SGCZ: variants seen among roughly 807,000 people sequenced by gnomAD.
SGCZ encodes sarcoglycan zeta.
A neutral mutation model predicts 41.3 loss-of-function variants in SGCZ; 40 were observed. The observed-to-expected ratio is 0.97, with a 90% confidence interval of 0.75 to 1.26. SGCZ has a LOEUF of 1.26. SGCZ is among the 50% of genes most tolerant of loss of function. The pLI is 0.00. For missense variants in SGCZ, 552 were observed against 369.8 expected (o/e 1.49, Z -4.04); for synonymous variants, 206 against 137.5 (o/e 1.50, Z -3.49).
At chr8:14,494,140 A>G (rs1390402737) in intron 2 of SGCZ, among the ~76,000 whole-genome samples, 1 of 151,964 alleles carries the variant, frequency 6.6e-6, no homozygotes, top group Non-Finnish European at 1.5e-5. Context: ...CACTGTTTCT[A>G]TGAAAAAAGT....
At chr8:15,125,649 T>A (rs1193438862) in intron 1 of SGCZ, among the ~76,000 whole-genome samples, 1 of 152,182 alleles carries the variant, frequency 6.6e-6, no homozygotes, top group Non-Finnish European at 1.5e-5. Context: ...AATGATTAGA[T>A]AGAATAGTTA....
intron 5 of SGCZ, among the ~76,000 whole-genome samples, chr8:14,161,987 A>T (rs1456262764): frequency 6.6e-6 from 1 of 152,158 alleles, no homozygotes; most frequent in African/African-American, 2.4e-5. Context: ...GAGAGAATAG[A>T]TAACTGCCTT....
In SGCZ at chr8:14,661,051, C is replaced by A. The variant is rs551039314; in HGVS notation, c.40-106125G>T. Among the ~76,000 whole-genome samples, 160 of 152,178 alleles carry A rather than the reference C, an allele frequency of 1.1e-3. 1 individual carries two copies. The highest frequency in any genetic ancestry group is 3.8e-3 in the African/African-American group (156 of 41,518). ...GAGGGTTCTTCCCAGAATCCCTCTG[C>A]CCAAAATTATTTTTTGCTAGATTGC... On this transcript the variant is annotated intron_variant, in intron 1 of 7. Coordinates refer to ENST00000382080, the MANE Select transcript of SGCZ (RefSeq NM_139167.4).
intron 1 of SGCZ, among the ~76,000 whole-genome samples, chr8:14,958,920 T>G (rs1800878776): frequency 6.6e-6 from 1 of 152,162 alleles, no homozygotes; most frequent in Non-Finnish European, 1.5e-5. Flanking sequence ...AATCTGTGTT[T>G]GATAGACAGA....
chr8:14,337,548 T>G (rs1291652305), intron 2 of SGCZ, among the ~76,000 whole-genome samples: 1 of 152,074 alleles, frequency 6.6e-6, no homozygotes, highest in Non-Finnish European at 1.5e-5. Context: ...ATGGGAAAAG[T>G]GATGACCCAG....
At chr8:14,668,418 T>C (rs541142373) in intron 1 of SGCZ, among the ~76,000 whole-genome samples, 1 of 152,308 alleles carries the variant, frequency 6.6e-6, no homozygotes, top group South Asian at 2.1e-4. Context: ...CCTCAGGTTG[T>C]TTCTAACCTC....
intron 5 of SGCZ, among the ~76,000 whole-genome samples, chr8:14,147,507 G>A (rs575950918): frequency 8.5e-5 from 13 of 152,316 alleles, no homozygotes; most frequent in Admixed American, 5.2e-4. Flanking sequence ...GATTCAGCAA[G>A]AGGATATAAC....
chr8:14,760,289 A>G (rs1365845471), intron 1 of SGCZ, among the ~76,000 whole-genome samples: 1 of 152,220 alleles, frequency 6.6e-6, no homozygotes, highest in African/African-American at 2.4e-5. Context: ...GAAAATCATT[A>G]CACAACACCG....
In SGCZ at chr8:14,442,871, A is replaced by C. The variant is rs554134983; in HGVS notation, c.234+111861T>G. ...ATTATTGTCTGTCTAATCTTAATGA[A>C]GCCTGTTTGCAGATGACATGATTGT... On this transcript the variant is annotated intron_variant, in intron 2 of 7. Transcript: ENST00000382080. Among the ~76,000 whole-genome samples, 10 of 152,160 alleles carry C rather than the reference A, an allele frequency of 6.6e-5. No homozygotes were observed. In the East Asian group the frequency reaches 1.9e-3, roughly 29 times the overall value.
At chr8:14,730,559 C>A (rs1356643609) in intron 1 of SGCZ, among the ~76,000 whole-genome samples, 1 of 148,668 alleles carries the variant, frequency 6.7e-6, no homozygotes, top group East Asian at 1.9e-4. Context: ...CAACATACAA[C>A]CCTAAAAGAA....
At chr8:14,811,350 A>G (rs7002469) in intron 1 of SGCZ, among the ~76,000 whole-genome samples, 77,449 of 151,304 alleles carry the variant, frequency 0.51, 20,377 homozygotes, top group Admixed American at 0.58. Flanking sequence ...TATTTGAATG[A>G]TGAGCTGTAG....
intron 3 of SGCZ, among the ~76,000 whole-genome samples, chr8:14,287,935 A>G (rs1349950590): frequency 6.6e-6 from 1 of 152,074 alleles, no homozygotes; most frequent in Non-Finnish European, 1.5e-5. Context: ...TATAGGATTT[A>G]TTCCTCTTCG....
intron 1 of SGCZ, among the ~76,000 whole-genome samples, chr8:14,927,995 G>T (rs1425193107): frequency 1.3e-5 from 2 of 152,052 alleles, no homozygotes; most frequent in African/African-American, 4.8e-5. Context: ...CTTTTTTCTG[G>T]CCTTAGCTCA....
At chr8:14,794,721 C>G (rs750607915) in intron 1 of SGCZ, among the ~76,000 whole-genome samples, 2 of 151,974 alleles carry the variant, frequency 1.3e-5, no homozygotes, top group African/African-American at 4.8e-5. Flanking sequence ...AATAGGCTCA[C>G]GAAAAGACAT....
intron 3 of SGCZ, among the ~76,000 whole-genome samples, chr8:14,276,692 G>A (rs574268686): frequency 2.8e-4 from 43 of 151,854 alleles, no homozygotes; most frequent in African/African-American, 1.0e-3. Flanking sequence ...ACTGTCTCTG[G>A]GGCTATTATT....
At chr8:15,216,313 G>A (rs567598762) in intron 1 of SGCZ, among the ~76,000 whole-genome samples, 2 of 144,538 alleles carry the variant, frequency 1.4e-5, no homozygotes, top group South Asian at 4.3e-4. Flanking sequence ...TCCGCCTCCT[G>A]GGTTCACGCC....
chr8:15,233,775 C>T (rs1585701854), intron 1 of SGCZ, among the ~76,000 whole-genome samples: 2 of 152,074 alleles, frequency 1.3e-5, no homozygotes, highest in South Asian at 2.1e-4. Flanking sequence ...AGAAGCATAC[C>T]GTTCATGTTC....
At chr8:14,922,994 G>C (rs1394745800) in intron 1 of SGCZ, among the ~76,000 whole-genome samples, 1 of 152,186 alleles carries the variant, frequency 6.6e-6, no homozygotes, top group Non-Finnish European at 1.5e-5. Context: ...ATTGAATGAT[G>C]AGCTTCTACA....
In SGCZ at chr8:14,846,310, G is replaced by T. The variant is rs116260151; in HGVS notation, c.40-291384C>A. 9.3e-3 allele frequency among the ~76,000 whole-genome samples: 1,413 copies of T among 151,858 alleles called. 15 individuals are homozygous for T. The highest frequency in any genetic ancestry group is 0.032 in the African/African-American group (1,331 of 41,402). ...GTGTTGATTAAACCCAAAGCACATA[G>T]AACAGTTATAACAAAAACAAAAAGA... On this transcript the variant is annotated intron_variant, in intron 1 of 7. Transcript: ENST00000382080.
Sources: gnomAD v4.1 joint callset for allele counts (sites outside exome capture counted in the v4.1 genomes callset) on GRCh38, gnomAD v4.1.1 for gene constraint, MANE v1.5 for transcripts, NCBI Gene and HGNC (gene_info 2026-07-23, HGNC 2026-07-21) for gene names.